Variants in DDX60L observed in about 807,000 individuals in gnomAD.
The protein encoded by DDX60L is probable ATP-dependent RNA helicase DDX60-like.
Under a neutral mutation model 211.6 loss-of-function variants are expected in DDX60L, and 191 were observed. The ratio of observed to expected loss-of-function variants is 0.90; its 90% confidence interval spans 0.80 to 1.02. DDX60L has a LOEUF of 1.02. Ranked by LOEUF, DDX60L falls within the 50% of genes least tolerant of loss-of-function variation. DDX60L has a pLI of 0.00. For missense variants in DDX60L, 2,007 were observed against 1,984.1 expected, an observed-to-expected ratio of 1.01 and a Z score of -0.22; for synonymous variants, 706 against 694.1, an observed-to-expected ratio of 1.02 and a Z score of -0.27.
At chr4:168,462,286 C>G (rs947047466) in intron 4 of DDX60L, among the ~76,000 whole-genome samples, 1 of 152,172 alleles carries the variant, frequency 6.6e-6, no homozygotes, top group African/African-American at 2.4e-5. Flanking sequence ...CTTTTACTAT[C>G]TATGTTCAAA....
rs148864268 is a variant in DDX60L, at chr4:168,400,334, C to A, written c.3491+492G>T. 4.7e-3 allele frequency among the ~76,000 whole-genome samples: 708 copies of A among 152,244 alleles called. 3 individuals carry two copies. Among genetic ancestry groups the A allele is most frequent in the African/African-American group, 0.016 (674 of 41,528 alleles). ...TGGTGCTTCAGTGAACATATGCATGCATGTATCTTTACAACAGAATGATTT... is the reference window on the plus strand; with the variant it reads ...TGGTGCTTCAGTGAACATATGCATGAATGTATCTTTACAACAGAATGATTT... On this transcript the variant is annotated intron_variant, in intron 26 of 37. Transcript: ENST00000682922.
chr4:168,457,861 C>G, intron 6 of DDX60L, 31 bp downstream of exon 6: 1 of 1,372,884 alleles, frequency 7.3e-7, no homozygotes, highest in Non-Finnish European at 9.9e-7. Flanking sequence ...TTCTATCAAA[C>G]TTTTATTTAA....
chr4:168,442,774 C>A (rs372722539), intron 9 of DDX60L, among the ~76,000 whole-genome samples: 1 of 151,362 alleles, frequency 6.6e-6, no homozygotes, highest in Non-Finnish European at 1.5e-5. Context: ...CACACTGACA[C>A]CTCACACGGC....
In DDX60L at chr4:168,396,072, T is replaced by C; in HGVS notation, c.3544A>G (p.Arg1182Gly). The C allele has an allele frequency of 1.9e-6, 3 of 1,588,062 alleles. No individual in the cohort carries two copies. The highest frequency in any genetic ancestry group is 2.6e-6 in the Non-Finnish European group (3 of 1,167,144). ...AEKLERKKVY[R>G]AEYINFLENL... is the part of the protein sequence containing the mutation. ...TCCAGGAAATTAATATATTCAGCTC[T>C]ATACACTTTTTTTCTTTCCAGTTTT... The change falls in exon 27 of 38, where the codon AGA (arginine) becomes GGA (glycine). Residue 1182 changes from arginine (R) to glycine (G), a missense_variant. Transcript: ENST00000682922.
intron 26 of DDX60L, among the ~76,000 whole-genome samples, chr4:168,397,020 A>G (rs997863064): frequency 3.3e-5 from 5 of 152,162 alleles, no homozygotes; most frequent in African/African-American, 1.2e-4. Flanking sequence ...CAGAGTTTTC[A>G]TGAATGGGAT....
chr4:168,437,775 C>G (rs1753252904), intron 10 of DDX60L, among the ~76,000 whole-genome samples: 1 of 152,194 alleles, frequency 6.6e-6, no homozygotes, highest in South Asian at 2.1e-4. Flanking sequence ...GTGGCTTGCT[C>G]TGATAACCTG....
chr4:168,367,293 G>C (rs775256296), intron 36 of DDX60L, among the ~76,000 whole-genome samples: 1 of 152,132 alleles, frequency 6.6e-6, no homozygotes, highest in Non-Finnish European at 1.5e-5. Flanking sequence ...TTATGAGGGC[G>C]GGTCTTTTCT....
chr4:168,408,441 A>T (rs1748127138), intron 22 of DDX60L, among the ~76,000 whole-genome samples: 1 of 152,162 alleles, frequency 6.6e-6, no homozygotes, highest in Non-Finnish European at 1.5e-5. Flanking sequence ...GATATATTCA[A>T]TTCAATTGTT....
chr4:168,358,200 A>G lies in DDX60L; in HGVS notation c.5068T>C (p.Tyr1690His). Reference sequence around the variant, plus strand: ...ATTTGCATTTCTTGAAGTTTCTCATAAAAGGTTTGACTCAATTGTTTAAAT... The same window carrying G: ...ATTTGCATTTCTTGAAGTTTCTCATGAAAGGTTTGACTCAATTGTTTAAAT... ...LAFKQLSQTFYEKLQEMQIQM... is the reference protein window; with the variant it reads ...LAFKQLSQTFHEKLQEMQIQM... Residue 1690 changes from tyrosine to histidine, a missense_variant, in exon 38 of 38, where the codon TAT becomes CAT. Coordinates refer to ENST00000682922, the MANE Select transcript of DDX60L (RefSeq NM_001012967.3). 6.2e-7 allele frequency: 1 copy of G among 1,606,898 alleles called. No homozygotes were observed. Among genetic ancestry groups the G allele is most frequent in the East Asian group, 2.2e-5 (1 of 44,646 alleles).
chr4:168,432,285 G>C (rs555113697), intron 12 of DDX60L, among the ~76,000 whole-genome samples, 170 bp downstream of exon 12: 21 of 147,260 alleles, frequency 1.4e-4, no homozygotes, highest in Admixed American at 3.4e-4. Flanking sequence ...TATATGTATA[G>C]TATATATTGT....
intron 8 of DDX60L, among the ~76,000 whole-genome samples, chr4:168,449,805 T>TAA (rs777111638): frequency 0.02 from 1,523 of 77,672 alleles, 37 homozygotes; most frequent in African/African-American, 0.056. Context: ...TGGGTAAAAA[T>TAA]AAAAAAAAAA....
intron 30 of DDX60L, among the ~76,000 whole-genome samples, chr4:168,381,188 AT>A (rs1314142243): frequency 2.0e-5 from 3 of 152,176 alleles, no homozygotes; most frequent in African/African-American, 7.2e-5. Flanking sequence ...AGAAAAGCCT[AT>A]TTTCTGGGCA....
At chr4:168,367,758 G>T (rs1156926155) in intron 36 of DDX60L, among the ~76,000 whole-genome samples, 4 of 152,322 alleles carry the variant, frequency 2.6e-5, no homozygotes, top group Admixed American at 2.6e-4. Context: ...AGTCTAAGGT[G>T]GTCTCAGATG....
At chr4:168,443,733 A>C (rs1235379875) in intron 9 of DDX60L, among the ~76,000 whole-genome samples, 2 of 149,928 alleles carry the variant, frequency 1.3e-5, no homozygotes, top group Non-Finnish European at 3.0e-5. Context: ...CAACATTCTT[A>C]AAGAAAAGAA....
At chr4:168,363,557 C>T (rs1292811622) in intron 36 of DDX60L, among the ~76,000 whole-genome samples, 1 of 152,072 alleles carries the variant, frequency 6.6e-6, no homozygotes, top group African/African-American at 2.4e-5. Flanking sequence ...TCAACAAAAA[C>T]AGAAATTATT....
chr4:168,361,026 A>G, intron 37 of DDX60L, 123 bp downstream of exon 37: 1 of 705,914 alleles, frequency 1.4e-6, no homozygotes, highest in Non-Finnish European at 2.5e-6. Flanking sequence ...AGAACCTGGG[A>G]GGCTCAATAG....
chr4:168,371,347 TC>T (rs1477045008), intron 36 of DDX60L, among the ~76,000 whole-genome samples: 2 of 149,214 alleles, frequency 1.3e-5, no homozygotes, highest in Non-Finnish European at 3.0e-5. Context: ...AGCCCCAAAA[TC>T]CCAAATAATA....
In DDX60L at chr4:168,453,115, T is replaced by C; in HGVS notation, c.996+9A>G. 1.3e-6 allele frequency: 2 copies of C among 1,599,858 alleles called. No individual in the cohort carries two copies. The highest frequency in any genetic ancestry group is 1.7e-6 in the Non-Finnish European group (2 of 1,174,112). On this transcript the variant is annotated intron_variant, in intron 8 of 37. Transcript: ENST00000682922. ...ATGTTCAGACAAAAAATAAACAAAA[T>C]ATGTTTACCATTTTTAAGAAAGAAT... is the stretch of plus-strand genomic sequence containing the variant.
rs924306367 is a variant in DDX60L at position 168,440,779 on chromosome 4, G to A, written c.1294+558C>T. 5.9e-5 allele frequency among the ~76,000 whole-genome samples: 9 copies of A among 152,096 alleles called. No individual in the cohort carries two copies. The South Asian group carries it at 6.2e-4, about 11-fold the overall frequency. ...TCAGCACCTTTGTAATCATTTTACC[G>A]CTTCTTCAACAATTCAATAGCCAAT... On this transcript the variant is annotated intron_variant, in intron 10 of 37. Transcript: ENST00000682922.
Sources: gnomAD v4.1 joint callset for allele counts (sites outside exome capture counted in the v4.1 genomes callset) on GRCh38, gnomAD v4.1.1 for gene constraint, MANE v1.5 for transcripts, NCBI Gene and HGNC (gene_info 2026-07-23, HGNC 2026-07-21) for gene names.